The following BCAS2 variants were observed in gnomAD, a reference collection of about 807,000 sequenced individuals.
BCAS2 encodes the protein pre-mRNA-splicing factor SPF27.
Under a neutral mutation model 35.3 loss-of-function variants are expected in BCAS2, and 34 were observed. That is an observed-to-expected ratio of 0.96 (90% CI 0.73 to 1.28). The LOEUF is 1.28. Ranked by LOEUF, BCAS2 falls within the 50% of genes most tolerant of loss-of-function variation. The pLI, the probability that BCAS2 is intolerant of heterozygous loss-of-function variation, is 0.00. For synonymous variants in BCAS2, 75 were observed against 91.6 expected, an observed-to-expected ratio of 0.82 and a Z score of 1.03; for missense variants, 221 against 268.1, an observed-to-expected ratio of 0.82 and a Z score of 1.23.
At chr1:114,577,134 G>A (rs918914840) in intron 2 of BCAS2, among the ~76,000 whole-genome samples, 4 of 152,198 alleles carry the variant, frequency 2.6e-5, no homozygotes, top group Admixed American at 2.0e-4. Flanking sequence ...GGGTCTTTAA[G>A]AGGTGATTGG....
intron 2 of BCAS2, among the ~76,000 whole-genome samples, chr1:114,579,082 C>T (rs1234993081): frequency 6.6e-6 from 1 of 152,138 alleles, no homozygotes; most frequent in Non-Finnish European, 1.5e-5. Context: ...TCGAGACCAG[C>T]CTGGCCACAA....
At chr1:114,572,393 C>G (rs1455794079) in intron 4 of BCAS2, among the ~76,000 whole-genome samples, 1 of 152,196 alleles carries the variant, frequency 6.6e-6, no homozygotes, top group African/African-American at 2.4e-5. Flanking sequence ...TTGGCTCTCC[C>G]TGAAAGTTTA....
intron 2 of BCAS2, among the ~76,000 whole-genome samples, chr1:114,579,622 T>C (rs975068872): frequency 3.3e-5 from 5 of 152,114 alleles, no homozygotes. Context: ...TCCCAACACT[T>C]TGGGAGGCTG....
At chr1:114,578,628 C>T (rs1478250703) in intron 2 of BCAS2, among the ~76,000 whole-genome samples, 2 of 152,152 alleles carry the variant, frequency 1.3e-5, no homozygotes, top group East Asian at 1.9e-4. Flanking sequence ...AACCTGGAGT[C>T]GCCCAGTCAC....
In BCAS2 at chr1:114,570,080, A is replaced by G; in HGVS notation, c.471-8T>C. The G allele has an allele frequency of 6.3e-7, 1 of 1,592,216 alleles. No homozygotes were observed. The highest frequency in any genetic ancestry group is 1.1e-5 in the South Asian group (1 of 89,996). ...AAATCTTGAATATGTTTTCTGTAAA[A>G]AATTATTTATACAACCCAATTACAT... On this transcript the variant is annotated splice_region_variant and splice_polypyrimidine_tract_variant and intron_variant, in intron 5 of 6. Transcript: ENST00000369541.
intron 3 of BCAS2, 116 bp downstream of exon 3, chr1:114,576,572 G>A (rs931731871): frequency 1.3e-6 from 1 of 790,314 alleles, no homozygotes; most frequent in Non-Finnish European, 2.0e-6. Flanking sequence ...ACAGGTGTGA[G>A]CCACCACACC....
At position 114,581,582 on chromosome 1, in the gene BCAS2, T is replaced by C. The variant is rs62621917; in HGVS notation, c.10A>G (p.Thr4Ala). Residue 4 changes from threonine (T) to alanine (A), a missense_variant, in exon 1 of 7, where the codon ACA (threonine) becomes GCA (alanine). By Grantham distance (58) the Thr-to-Ala change is moderately conservative. Coordinates refer to ENST00000369541, the MANE Select transcript of BCAS2 (RefSeq NM_005872.3). MAG[T>A]GLVAGEVVVD... ...ACAACCTCTCCAGCCACCAAACCTG[T>C]GCCCGCCATTCTGAGGACCTCAGGT... The C allele has an allele frequency of 7.9e-3, 12,638 of 1,599,124 alleles. 88 individuals are homozygous for C. Among genetic ancestry groups the C allele is most frequent in the Non-Finnish European group, 9.8e-3 (11,537 of 1,172,530 alleles).
intron 2 of BCAS2, among the ~76,000 whole-genome samples, chr1:114,577,985 G>T (rs149090986): frequency 0.011 from 1,702 of 152,288 alleles, 25 homozygotes; most frequent in African/African-American, 0.039. Context: ...GAGGTCAAGA[G>T]ATCAAGACCA....
intron 2 of BCAS2, among the ~76,000 whole-genome samples, chr1:114,578,974 C>T (rs1438350888): frequency 6.6e-6 from 1 of 152,006 alleles, no homozygotes; most frequent in Non-Finnish European, 1.5e-5. Flanking sequence ...TAAATATTAC[C>T]AACTATTACT....
intron 2 of BCAS2, among the ~76,000 whole-genome samples, chr1:114,578,609 C>T (rs1006715796): frequency 1.3e-5 from 2 of 152,198 alleles, no homozygotes; most frequent in African/African-American, 4.8e-5. Flanking sequence ...AGGCCTTCCT[C>T]AACCACCCAA....
At chr1:114,576,245 CTCTATA>C (rs1370277944) in intron 3 of BCAS2, among the ~76,000 whole-genome samples, 46 of 142,474 alleles carry the variant, frequency 3.2e-4, no homozygotes, top group African/African-American at 1.2e-3. Flanking sequence ...CTCTCTCTCT[CTCTATA>C]TATATATATA....
rs75955212 is a variant in BCAS2, at chr1:114,574,867, G to A, written c.419+723C>T. Among the ~76,000 whole-genome samples the A allele has an allele frequency of 9.1e-3, 1,376 of 151,960 alleles. 13 individuals carry two copies. The highest frequency in any genetic ancestry group is 0.032 in the African/African-American group (1,342 of 41,460). ...ACACTTCCCCTACCCATACTTTGTG[G>A]GGTTTTTTTGTTTGTTTTTTGAGAT... is the stretch of plus-strand genomic sequence containing the variant. On this transcript the variant is annotated intron_variant, in intron 4 of 6. Coordinates refer to ENST00000369541, the MANE Select transcript of BCAS2 (RefSeq NM_005872.3).
intron 2 of BCAS2, among the ~76,000 whole-genome samples, chr1:114,580,705 T>G (rs1033605255): frequency 2.0e-5 from 3 of 152,122 alleles, no homozygotes; most frequent in African/African-American, 7.2e-5. Flanking sequence ...ACCCCATATA[T>G]CTCTATGATC....
At position 114,581,479 on chromosome 1, in the gene BCAS2, C is replaced by A; in HGVS notation, c.93+20G>T. On this transcript the variant is annotated intron_variant, in intron 1 of 6. Transcript: ENST00000369541. ...GAGCCAGCTAGCAGTGAGTCAGCTA[C>A]AAAGACACCCCGCACTCACCGCTTC... The A allele has an allele frequency of 6.2e-7, 1 of 1,614,046 alleles. No individual in the cohort carries two copies. Among genetic ancestry groups the A allele is most frequent in the Non-Finnish European group, 8.5e-7 (1 of 1,179,976 alleles).
At chr1:114,578,211 AAAAAAAC>A (rs1170157130) in intron 2 of BCAS2, among the ~76,000 whole-genome samples, 70 of 150,840 alleles carry the variant, frequency 4.6e-4, no homozygotes, top group Middle Eastern at 3.4e-3. Context: ...ACAAAAAAAC[AAAAAAAC>A]AAAAAACAAA....
intron 3 of BCAS2, among the ~76,000 whole-genome samples, chr1:114,576,431 T>TTTATTATTATTATTATTATTA (rs147601064): frequency 2.1e-4 from 31 of 147,054 alleles, no homozygotes; most frequent in African/African-American, 4.8e-4. Flanking sequence ...CCCAGGTACG[T>TTTATTATTATTATTATTATTA]TTATTATTAT....
chr1:114,575,487 A>T (rs1654742016), intron 4 of BCAS2, 103 bp downstream of exon 4: 5 of 1,189,912 alleles, frequency 4.2e-6, no homozygotes, highest in Non-Finnish European at 5.7e-6. Context: ...GAGCCACTGC[A>T]CCCAGCACCT....
At chr1:114,575,514 G>A (rs1485868272) in intron 4 of BCAS2, 76 bp downstream of exon 4, 8 of 1,416,332 alleles carry the variant, frequency 5.6e-6, no homozygotes, top group African/African-American at 2.9e-5. Flanking sequence ...CTTTTAAAAT[G>A]TACTAAAACT....
intron 5 of BCAS2, 72 bp downstream of exon 5, chr1:114,570,628 C>A: frequency 9.2e-7 from 1 of 1,083,284 alleles, no homozygotes; most frequent in Non-Finnish European, 1.3e-6. Flanking sequence ...TCTTTGCTTT[C>A]TTTTTCCTCC....
Sources: allele counts gnomAD v4.1 joint callset (sites outside exome capture counted in the v4.1 genomes callset), GRCh38; gene constraint gnomAD v4.1.1; transcripts MANE v1.5; gene names NCBI Gene and HGNC (gene_info 2026-07-23, HGNC 2026-07-21).